The following HS6ST3 variants were observed in gnomAD, a reference collection of about 807,000 sequenced individuals.
HS6ST3 encodes heparan-sulfate 6-O-sulfotransferase 3.
In HS6ST3, 12 loss-of-function variants were observed where a neutral mutation model predicts 36.7. That is an observed-to-expected ratio of 0.33 (90% CI 0.21 to 0.53). The LOEUF is 0.53. Among genes scored for constraint, HS6ST3 ranks in the 20% least tolerant of loss-of-function variants. The pLI, the probability that HS6ST3 is intolerant of heterozygous loss-of-function variation, is 0.95. For missense variants in HS6ST3, 584 were observed against 640.9 expected (o/e 0.91, Z 0.96); for synonymous variants, 240 against 257.5 (o/e 0.93, Z 0.65).
chr13:96,612,477 A>G lies in HS6ST3; in HGVS notation c.708-220013A>G, dbSNP rs139752777. Reference sequence around the variant, plus strand: ...ATGGCTCATAAAGTTATTTCCAAATATAACAAATTTAGCTCCAGCTCCAAG... The same window carrying G: ...ATGGCTCATAAAGTTATTTCCAAATGTAACAAATTTAGCTCCAGCTCCAAG... On this transcript the variant is annotated intron_variant, in intron 1 of 1. Coordinates refer to ENST00000376705, the MANE Select transcript of HS6ST3 (RefSeq NM_153456.4). 2.7e-3 allele frequency among the ~76,000 whole-genome samples: 414 copies of G among 152,250 alleles called. 3 individuals are homozygous for G. The highest frequency in any genetic ancestry group is 9.4e-3 in the African/African-American group (390 of 41,556).
At chr13:96,390,480 C>T (rs1475759854) in intron 1 of HS6ST3, among the ~76,000 whole-genome samples, 1 of 152,198 alleles carries the variant, frequency 6.6e-6, no homozygotes, top group Non-Finnish European at 1.5e-5. Context: ...CCTCACCAGA[C>T]AGTGTGTCTA....
intron 1 of HS6ST3, among the ~76,000 whole-genome samples, chr13:96,738,842 ACT>A (rs1385890611): frequency 2.0e-5 from 3 of 151,784 alleles, no homozygotes; most frequent in Non-Finnish European, 4.4e-5. Context: ...ACCCCTTATT[ACT>A]CTTTTTCTTG....
At chr13:96,774,659 C>T (rs923132266) in intron 1 of HS6ST3, among the ~76,000 whole-genome samples, 4 of 152,074 alleles carry the variant, frequency 2.6e-5, no homozygotes, top group African/African-American at 7.2e-5. Flanking sequence ...ATGAACAAAG[C>T]CTCCAAGAAA....
chr13:96,736,152 T>C (rs376665474), intron 1 of HS6ST3, among the ~76,000 whole-genome samples: 139 of 152,130 alleles, frequency 9.1e-4, no homozygotes, highest in African/African-American at 3.1e-3. Flanking sequence ...AAATAATCTG[T>C]ACAACAAACC....
intron 1 of HS6ST3, among the ~76,000 whole-genome samples, chr13:96,131,734 A>T (rs190577552): frequency 1.5e-3 from 174 of 116,500 alleles, no homozygotes; most frequent in Non-Finnish European, 2.3e-3. Flanking sequence ...CCTGGTAACC[A>T]CTATTCTACT....
At chr13:96,344,722 T>G (rs2055145571) in intron 1 of HS6ST3, among the ~76,000 whole-genome samples, 1 of 152,206 alleles carries the variant, frequency 6.6e-6, no homozygotes, top group Non-Finnish European at 1.5e-5. Flanking sequence ...TGATGTTCCT[T>G]TCATGCTGGC....
At chr13:96,352,753 A>G (rs1016288650) in intron 1 of HS6ST3, among the ~76,000 whole-genome samples, 5 of 152,212 alleles carry the variant, frequency 3.3e-5, no homozygotes, top group African/African-American at 4.8e-5. Context: ...AATAGCCAGA[A>G]AATGTTCTAG....
chr13:96,295,637 C>T (rs1594745803), intron 1 of HS6ST3, among the ~76,000 whole-genome samples: 1 of 152,074 alleles, frequency 6.6e-6, no homozygotes, highest in African/African-American at 2.4e-5. Context: ...GATTAGTATG[C>T]TCCCGTGTGT....
chr13:96,318,940 C>A (rs1308878909), intron 1 of HS6ST3, among the ~76,000 whole-genome samples: 1 of 152,162 alleles, frequency 6.6e-6, no homozygotes, highest in Non-Finnish European at 1.5e-5. Context: ...GCCTTAATAT[C>A]TGTCCTTAGC....
chr13:96,107,176 T>C (rs1420019299), intron 1 of HS6ST3, among the ~76,000 whole-genome samples: 1 of 152,080 alleles, frequency 6.6e-6, no homozygotes, highest in Non-Finnish European at 1.5e-5. Flanking sequence ...ATATTATATG[T>C]TAAGGTTGAT....
rs769959672 is a variant in HS6ST3, at chr13:96,090,839, G to A, written c.-24G>A. 6 of 1,470,348 alleles carry A rather than the reference G, an allele frequency of 4.1e-6. No individual in the cohort carries two copies. Among genetic ancestry groups the A allele is most frequent in the Middle Eastern group, 1.8e-4 (1 of 5,468 alleles). The allele number at this position is 1,470,348 out of a possible 1,614,324, so 91.1% of individuals were successfully genotyped here. ...CTGCCGCCGCCGCCGCCGCCGCTTC[G>A]CCTGCCGGCCTGAGAGCGGGACCAT... On this transcript the variant is annotated 5_prime_UTR_variant, in exon 1 of 2. Coordinates refer to ENST00000376705, the MANE Select transcript of HS6ST3 (RefSeq NM_153456.4).
chr13:96,399,027 G>A (rs1329110975), intron 1 of HS6ST3, among the ~76,000 whole-genome samples: 2 of 152,198 alleles, frequency 1.3e-5, no homozygotes, highest in African/African-American at 4.8e-5. Flanking sequence ...CAGCTATGCT[G>A]GGCCCAGACT....
chr13:96,634,897 A>G (rs2139003008), intron 1 of HS6ST3, among the ~76,000 whole-genome samples: 1 of 11,604 alleles, frequency 8.6e-5, no homozygotes, highest in Non-Finnish European at 2.9e-4. Context: ...CATTAGGTTT[A>G]ATCTTAATCT....
At chr13:96,296,676 C>T (rs1046290666) in intron 1 of HS6ST3, among the ~76,000 whole-genome samples, 4 of 151,822 alleles carry the variant, frequency 2.6e-5, no homozygotes, top group Non-Finnish European at 5.9e-5. Flanking sequence ...ATTATGTTAC[C>T]CTGATATTCA....
chr13:96,683,461 G>A (rs1367825162), intron 1 of HS6ST3, among the ~76,000 whole-genome samples: 2 of 152,012 alleles, frequency 1.3e-5, no homozygotes, highest in African/African-American at 2.4e-5. Flanking sequence ...CATTGTAAGA[G>A]CATGCATACT....
intron 1 of HS6ST3, among the ~76,000 whole-genome samples, chr13:96,442,971 A>C (rs895685942): frequency 2.6e-5 from 4 of 152,084 alleles, no homozygotes; most frequent in African/African-American, 9.7e-5. Flanking sequence ...CAATCCATAG[A>C]AAGAATGAAG....
At chr13:96,283,308 A>C (rs2054784457) in intron 1 of HS6ST3, among the ~76,000 whole-genome samples, 1 of 152,226 alleles carries the variant, frequency 6.6e-6, no homozygotes, top group Non-Finnish European at 1.5e-5. Flanking sequence ...CTGCTAAGTA[A>C]GTCCTTTCCA....
chr13:96,112,578 A>AATATACATATATATATATAC lies in HS6ST3; in HGVS notation c.707+21014_707+21015insCATATATATATATACATATA, dbSNP rs397773858. Among the ~76,000 whole-genome samples the AATATACATATATATATATAC allele has an allele frequency of 2.5e-5, 2 of 81,224 alleles. 1 individual carries two copies. Among genetic ancestry groups the AATATACATATATATATATAC allele is most frequent in the Non-Finnish European group, 4.7e-5 (2 of 42,982 alleles). The allele number at this position is 81,224 out of a possible 152,430, so 53.3% of individuals were successfully genotyped here. A position where few individuals can be genotyped will look rare whatever the true frequency, so the allele number is the denominator to read the frequency against. On this transcript the variant is annotated intron_variant, in intron 1 of 1. Coordinates refer to ENST00000376705, the MANE Select transcript of HS6ST3 (RefSeq NM_153456.4). ...TAAAACCCCATCTCTAAAATAAATA[A>AATATACATATATATATATAC]ATATATATATATATATATATATATA...
intron 1 of HS6ST3, among the ~76,000 whole-genome samples, chr13:96,186,913 G>T (rs2054267338): frequency 1.3e-5 from 2 of 152,228 alleles, no homozygotes; most frequent in South Asian, 4.1e-4. Context: ...CTCAAGGGCA[G>T]ATGTGATTGA....
Sources: allele counts gnomAD v4.1 joint callset (sites outside exome capture counted in the v4.1 genomes callset), GRCh38; gene constraint gnomAD v4.1.1; transcripts MANE v1.5; gene names NCBI Gene and HGNC (gene_info 2026-07-23, HGNC 2026-07-21).